Variants in ABCG8 observed in about 807,000 individuals in gnomAD.
ABCG8 encodes the protein ATP binding cassette subfamily G member 8.
Under a neutral mutation model 71.3 loss-of-function variants are expected in ABCG8, and 81 were observed. The observed-to-expected ratio is 1.14, with a 90% CI of 0.95 to 1.37. The LOEUF (loss-of-function observed/expected upper bound fraction) is 1.37, where lower values mean the gene tolerates loss of function less well. Ranked by LOEUF, ABCG8 falls within the 40% of genes most tolerant of loss-of-function variation. The probability of loss-of-function intolerance (pLI) is 0.00; values close to 1 mark genes in which losing one functional copy is unlikely to be tolerated. For synonymous variants in ABCG8, 451 were observed against 354.7 expected, an observed-to-expected ratio of 1.27 and a Z score of -3.05; for missense variants, 1,119 against 866.2, an observed-to-expected ratio of 1.29 and a Z score of -3.66.
At chr2:43,842,264 C>T (rs1668604089) in intron 1 of ABCG8, among the ~76,000 whole-genome samples, 1 of 152,216 alleles carries the variant, frequency 6.6e-6, no homozygotes, top group Non-Finnish European at 1.5e-5. Context: ...CTGCCCTCCT[C>T]AGCTTCCCAA....
chr2:43,875,509 A>C, intron 11 of ABCG8, 96 bp downstream of exon 11: 1 of 1,469,666 alleles, frequency 6.8e-7, no homozygotes, highest in African/African-American at 1.4e-5. Context: ...TATCACTTAG[A>C]TCCAACTCGA....
intron 6 of ABCG8, among the ~76,000 whole-genome samples, chr2:43,856,240 T>A (rs1470262284): frequency 6.6e-6 from 1 of 151,302 alleles, no homozygotes; most frequent in Non-Finnish European, 1.5e-5. Flanking sequence ...CTGGATAGAA[T>A]TCTCTCCATC....
chr2:43,844,692 C>T, intron 2 of ABCG8, 84 bp downstream of exon 2: 1 of 1,086,210 alleles, frequency 9.2e-7, no homozygotes, highest in East Asian at 2.5e-5. Context: ...AGGGTGGGCC[C>T]AACTTGCAGG....
intron 3 of ABCG8, among the ~76,000 whole-genome samples, chr2:43,850,929 A>G (rs1668894638): frequency 1.3e-5 from 2 of 152,014 alleles, no homozygotes; most frequent in Admixed American, 1.3e-4. Context: ...AAAAAAAAGA[A>G]AAAGTAAAAG....
Position 43,873,769 on chromosome 2 carries a change from T to G in ABCG8, c.1212-18T>G. The G allele has an allele frequency of 6.2e-7, 1 of 1,613,962 alleles. No individual in the cohort carries two copies. Among genetic ancestry groups the G allele is most frequent in the Non-Finnish European group, 8.5e-7 (1 of 1,179,900 alleles). On this transcript the variant is annotated intron_variant, in intron 8 of 12. Coordinates refer to ENST00000272286, the MANE Select transcript of ABCG8 (RefSeq NM_022437.3). ...GTGTATGCTGTTGCCTCAGCATCTC[T>G]TCCTTTTGGTTTTTAAGTCGTCAGA...
Position 43,866,039 on chromosome 2 carries a change from C to T in ABCG8, c.965-5937C>T, listed in dbSNP as rs535899182. Among the ~76,000 whole-genome samples, 18 of 151,866 alleles carry T rather than the reference C, an allele frequency of 1.2e-4. No homozygotes were observed. The South Asian group carries it at 3.6e-3, about 30-fold the overall frequency. ...AGAACAGAGCCCTCAGAAATAACGC[C>T]GCATATCTACAACTATCTGATCTTT... On this transcript the variant is annotated intron_variant, in intron 6 of 12. Transcript: ENST00000272286.
chr2:43,872,653 G>A (rs1669822685), intron 8 of ABCG8, among the ~76,000 whole-genome samples: 2 of 152,186 alleles, frequency 1.3e-5, no homozygotes. Flanking sequence ...GGAGGCTGCA[G>A]TGAGCCGTGA....
chr2:43,878,310 T>A lies in ABCG8; in HGVS notation c.*397T>A. 1 of 307,228 alleles carries A rather than the reference T, an allele frequency of 3.3e-6. No homozygotes were observed. The highest frequency in any genetic ancestry group is 6.4e-6 in the Non-Finnish European group (1 of 156,002). 19.0% of individuals were successfully genotyped at this position (307,228 alleles called of 1,614,324 possible). On this transcript the variant is annotated 3_prime_UTR_variant, in exon 13 of 13. Transcript: ENST00000272286. ...GGAACAATAACAGTAGCTAGCAGAT[T>A]TGGCTTCATCTTCCAGGGGCCCCAC... is the stretch of plus-strand genomic sequence containing the variant.
intron 6 of ABCG8, among the ~76,000 whole-genome samples, chr2:43,864,644 C>T (rs1402552795): frequency 3.3e-5 from 5 of 151,736 alleles, no homozygotes; most frequent in Non-Finnish European, 7.4e-5. Context: ...GGATAGAGCT[C>T]TCACTATCTG....
chr2:43,872,256 G>T lies in ABCG8; in HGVS notation c.1161G>T (p.Pro387=), dbSNP rs568651603. 1.2e-6 allele frequency: 2 copies of T among 1,613,940 alleles called. No individual in the cohort carries two copies. The highest frequency in any genetic ancestry group is 2.2e-5 in the East Asian group (1 of 44,878). Residue 387 remains proline (P), a synonymous_variant, in exon 8 of 13, where the codon CCG becomes CCT. Coordinates refer to ENST00000272286, the MANE Select transcript of ABCG8 (RefSeq NM_022437.3). ...SVTPLDTNCL[P]SPTKMPGAVQ... ...CCCCACTAGACACCAACTGCCTCCC[G>T]AGTCCTACGAAGATGCCTGGGGCGG...
intron 6 of ABCG8, among the ~76,000 whole-genome samples, chr2:43,866,933 C>T (rs1669549923): frequency 6.6e-6 from 1 of 150,876 alleles, no homozygotes; most frequent in Admixed American, 6.6e-5. Context: ...ATAGCAAAGA[C>T]TTGGAACCAA....
chr2:43,862,664 A>G (rs971951980), intron 6 of ABCG8, among the ~76,000 whole-genome samples: 2 of 136,600 alleles, frequency 1.5e-5, no homozygotes, highest in Non-Finnish European at 3.2e-5. Flanking sequence ...CTAACTGGAT[A>G]GAATAGAATT....
intron 6 of ABCG8, among the ~76,000 whole-genome samples, chr2:43,871,303 ACT>A (rs1466338684): frequency 8.9e-5 from 12 of 135,566 alleles, no homozygotes; most frequent in Admixed American, 6.6e-4. Flanking sequence ...TAGAATTCTC[ACT>A]CTCTGGATAG....
intron 11 of ABCG8, among the ~76,000 whole-genome samples, chr2:43,876,895 T>C (rs1430645005): frequency 6.7e-6 from 1 of 149,180 alleles, no homozygotes; most frequent in Non-Finnish European, 1.5e-5. Flanking sequence ...ACCATGGGAA[T>C]ATGGGGAGAC....
chr2:43,853,462 C>A (rs949480796), intron 6 of ABCG8, among the ~76,000 whole-genome samples: 3 of 152,186 alleles, frequency 2.0e-5, no homozygotes, highest in Non-Finnish European at 4.4e-5. Context: ...GGCCTGAAAT[C>A]CTGAGTGCTG....
chr2:43,871,917 C>T (rs537925205), intron 6 of ABCG8, 59 bp from the exon 7 acceptor site: 3 of 1,610,852 alleles, frequency 1.9e-6, no homozygotes, highest in African/African-American at 2.7e-5. Context: ...CCAAGCTCTT[C>T]ACCTGTGAGC....
In ABCG8 at chr2:43,862,652, A is replaced by T. The variant is rs542938777; in HGVS notation, c.965-9324A>T. 6.3e-3 allele frequency among the ~76,000 whole-genome samples: 946 copies of T among 149,642 alleles called. 8 individuals are homozygous for T. Among genetic ancestry groups the T allele is most frequent in the Non-Finnish European group, 5.6e-3 (375 of 66,880 alleles). The stretch of plus-strand genomic sequence containing the variant: ...TCACTATCTGGATAGAATTCTCACT[A>T]TCTAACTGGATAGAATAGAATTCTC... On this transcript the variant is annotated intron_variant, in intron 6 of 12. Coordinates refer to ENST00000272286, the MANE Select transcript of ABCG8 (RefSeq NM_022437.3).
In ABCG8 at chr2:43,877,935, C is replaced by T; in HGVS notation, c.*22C>T. The T allele has an allele frequency of 6.2e-7, 1 of 1,614,104 alleles. No homozygotes were observed. Among genetic ancestry groups the T allele is most frequent in the Non-Finnish European group, 8.5e-7 (1 of 1,179,992 alleles). On this transcript the variant is annotated 3_prime_UTR_variant, in exon 13 of 13. Coordinates refer to ENST00000272286, the MANE Select transcript of ABCG8 (RefSeq NM_022437.3). ...GTGATTCACGCCAGACGTCTGCCCGCTGGTGGGGGACCTGAGCAGACCCTT... is the reference window on the plus strand; with the variant it reads ...GTGATTCACGCCAGACGTCTGCCCGTTGGTGGGGGACCTGAGCAGACCCTT...
rs1315117324 is a variant in ABCG8 at position 43,873,820 on chromosome 2, C to A, written c.1245C>A (p.Pro415=). The change falls in exon 9 of 13, where the codon CCC becomes CCA. Residue 415 remains proline (P), a synonymous_variant. Coordinates refer to ENST00000272286, the MANE Select transcript of ABCG8 (RefSeq NM_022437.3). ...RQISNDFRDL[P]TLLIHGAEAC... is the part of the protein sequence containing the mutation. ...TTTCCAACGACTTCCGAGACCTGCC[C>A]ACCCTCCTCATCCATGGGGCGGAGG... The A allele has an allele frequency of 1.2e-6, 2 of 1,614,136 alleles. No individual in the cohort carries two copies. Among genetic ancestry groups the A allele is most frequent in the Admixed American group, 3.3e-5 (2 of 60,022 alleles).
Sources: allele counts gnomAD v4.1 joint callset (sites outside exome capture counted in the v4.1 genomes callset), GRCh38; gene constraint gnomAD v4.1.1; transcripts MANE v1.5; gene names NCBI Gene and HGNC (gene_info 2026-07-23, HGNC 2026-07-21).